The following CDH12 variants were observed in gnomAD, a reference collection of about 807,000 sequenced individuals.
CDH12 encodes the protein cadherin 12.
A neutral mutation model predicts 74.1 loss-of-function variants in CDH12; 41 were observed. The observed-to-expected ratio is 0.55, with a 90% CI of 0.43 to 0.72. The LOEUF is 0.72. Among genes scored for constraint, CDH12 ranks in the 30% least tolerant of loss-of-function variants. CDH12 has a pLI of 0.00. For missense variants in CDH12, 945 were observed against 977.2 expected (o/e 0.97, Z 0.44); for synonymous variants, 399 against 355.0 (o/e 1.12, Z -1.39).
chr5:22,248,277 T>C (rs1021033898), intron 3 of CDH12, among the ~76,000 whole-genome samples: 2 of 152,206 alleles, frequency 1.3e-5, no homozygotes, highest in South Asian at 4.2e-4. Context: ...ATAGCCTGGA[T>C]GACAAGAATT....
At chr5:21,970,892 T>C (rs560980885) in intron 6 of CDH12, among the ~76,000 whole-genome samples, 45 of 122,000 alleles carry the variant, frequency 3.7e-4, no homozygotes, top group Middle Eastern at 4.3e-3. Flanking sequence ...GAAAATAGTC[T>C]CTGGTTAAAT....
chr5:22,298,653 C>A lies in CDH12; in HGVS notation c.-332-86010G>T, dbSNP rs181310455. On this transcript the variant is annotated intron_variant, in intron 3 of 14. Coordinates refer to ENST00000382254, the MANE Select transcript of CDH12 (RefSeq NM_004061.5). ...GCCTCCTGTAAGCATTCACTATTCT[C>A]ATTCACACCACCAGTTGGTTATATT... 4.6e-5 allele frequency among the ~76,000 whole-genome samples: 7 copies of A among 152,258 alleles called. No individual in the cohort carries two copies. The East Asian group carries it at 1.2e-3, about 25-fold the overall frequency.
chr5:22,446,858 T>A (rs145753353), intron 2 of CDH12, among the ~76,000 whole-genome samples: 75 of 152,240 alleles, frequency 4.9e-4, no homozygotes, highest in African/African-American at 1.8e-3. Flanking sequence ...ATAATGTAAC[T>A]TTTTATGTTA....
chr5:22,368,233 GT>G (rs1329786056), intron 3 of CDH12, among the ~76,000 whole-genome samples: 1 of 151,918 alleles, frequency 6.6e-6, no homozygotes, highest in African/African-American at 2.4e-5. Context: ...CAGAGCTGAA[GT>G]TCTAAAATAG....
chr5:22,411,451 C>T (rs1055270538), intron 2 of CDH12, among the ~76,000 whole-genome samples: 47 of 152,012 alleles, frequency 3.1e-4, no homozygotes, highest in African/African-American at 1.1e-3. Context: ...TCCATGAGAT[C>T]TGCAGATCTT....
chr5:22,509,757 C>A (rs1262683463), intron 1 of CDH12, among the ~76,000 whole-genome samples: 1 of 152,086 alleles, frequency 6.6e-6, no homozygotes, highest in African/African-American at 2.4e-5. Flanking sequence ...TGGGAAGCTG[C>A]ACAAATACCA....
At chr5:21,809,401 T>C (rs1219968263) in intron 9 of CDH12, among the ~76,000 whole-genome samples, 1 of 152,114 alleles carries the variant, frequency 6.6e-6, no homozygotes, top group East Asian at 1.9e-4. Context: ...ATAAAATATA[T>C]GTGTCATGTC....
intron 4 of CDH12, among the ~76,000 whole-genome samples, chr5:22,091,464 G>A (rs1743431138): frequency 6.6e-6 from 1 of 151,518 alleles, no homozygotes; most frequent in Non-Finnish European, 1.5e-5. Context: ...ATTTATAATA[G>A]TGTCTGAAAG....
At chr5:21,907,229 C>T (rs533871179) in intron 6 of CDH12, among the ~76,000 whole-genome samples, 75 of 152,084 alleles carry the variant, frequency 4.9e-4, no homozygotes, top group Non-Finnish European at 9.3e-4. Context: ...AAAAATACGC[C>T]CAAATAGGGA....
chr5:22,448,835 T>A (rs1744931158), intron 2 of CDH12, among the ~76,000 whole-genome samples: 1 of 152,056 alleles, frequency 6.6e-6, no homozygotes, highest in African/African-American at 2.4e-5. Flanking sequence ...GAGTTTCTTT[T>A]GCTACTGGGC....
chr5:22,622,017 T>C lies in CDH12; in HGVS notation c.-522-116653A>G, dbSNP rs532113421. Among the ~76,000 whole-genome samples, 8 of 152,168 alleles carry C rather than the reference T, an allele frequency of 5.3e-5. No homozygotes were observed. The South Asian group carries it at 1.7e-3, about 32-fold the overall frequency. On this transcript the variant is annotated intron_variant, in intron 1 of 14. Transcript: ENST00000382254. Reference sequence around the variant, plus strand: ...TCATTAGCTGTGTTAGGTTTAAAAATAAAAATTGATACACATTTCTTAAGA... The same window carrying C: ...TCATTAGCTGTGTTAGGTTTAAAAACAAAAATTGATACACATTTCTTAAGA...
intron 1 of CDH12, among the ~76,000 whole-genome samples, chr5:22,603,229 C>T (rs269879): frequency 0.49 from 74,515 of 151,762 alleles, 18,569 homozygotes; most frequent in Admixed American, 0.58. Flanking sequence ...ATCAACAAAA[C>T]AGCAACTATT....
At chr5:21,922,694 A>C (rs1754406747) in intron 6 of CDH12, among the ~76,000 whole-genome samples, 2 of 152,242 alleles carry the variant, frequency 1.3e-5, no homozygotes, top group African/African-American at 4.8e-5. Flanking sequence ...CATGCAGAAC[A>C]GTTACCTGCA....
At position 22,476,339 on chromosome 5, in the gene CDH12, T is replaced by TATTCATATTAA. The variant is rs1200906635; in HGVS notation, c.-428+28930_-428+28931insTTAATATGAAT. Among the ~76,000 whole-genome samples the TATTCATATTAA allele has an allele frequency of 6.4e-4, 97 of 152,272 alleles. 1 individual carries two copies. Among genetic ancestry groups the TATTCATATTAA allele is most frequent in the African/African-American group, 2.3e-3 (97 of 41,582 alleles). On this transcript the variant is annotated intron_variant, in intron 2 of 14. Coordinates refer to ENST00000382254, the MANE Select transcript of CDH12 (RefSeq NM_004061.5). ...AGGAATTAAACCAAATTATATGTTT[T>TATTCATATTAA]ATTGTTTATTGAATGGTACACATCA... is the stretch of plus-strand genomic sequence containing the variant.
rs559221765 is a variant in CDH12, at chr5:22,011,240, G to A, written c.232-35855C>T. ...CCTGTAATGAAGCCAGACCTGCATA[G>A]AGTATTAATTAATACTCAACCACAC... is the stretch of plus-strand genomic sequence containing the variant. On this transcript the variant is annotated intron_variant, in intron 5 of 14. Transcript: ENST00000382254. Among the ~76,000 whole-genome samples, 4 of 152,222 alleles carry A rather than the reference G, an allele frequency of 2.6e-5. No homozygotes were observed. In the South Asian group the frequency reaches 8.3e-4, roughly 31 times the overall value.
At chr5:21,972,448 T>C (rs1457536754) in intron 6 of CDH12, among the ~76,000 whole-genome samples, 2 of 152,176 alleles carry the variant, frequency 1.3e-5, no homozygotes, top group African/African-American at 4.8e-5. Flanking sequence ...AGGAAAATGA[T>C]ACAGAGGGAG....
At chr5:22,475,350 A>C (rs1392608079) in intron 2 of CDH12, among the ~76,000 whole-genome samples, 3 of 152,010 alleles carry the variant, frequency 2.0e-5, no homozygotes. Flanking sequence ...ACTAAAGAAA[A>C]AATAACTAAC....
At chr5:21,856,805 T>G (rs1289182233) in intron 6 of CDH12, among the ~76,000 whole-genome samples, 1 of 151,822 alleles carries the variant, frequency 6.6e-6, no homozygotes, top group African/African-American at 2.4e-5. Context: ...CTTAAAAGGA[T>G]CACTGGATAG....
chr5:22,331,627 A>G (rs763451095), intron 3 of CDH12, among the ~76,000 whole-genome samples: 2 of 152,230 alleles, frequency 1.3e-5, no homozygotes, highest in Non-Finnish European at 1.5e-5. Context: ...CATCAACACT[A>G]TCCAGTAAAA....
Sources: gnomAD v4.1 joint callset for allele counts (sites outside exome capture counted in the v4.1 genomes callset) on GRCh38, gnomAD v4.1.1 for gene constraint, MANE v1.5 for transcripts, NCBI Gene and HGNC (gene_info 2026-07-23, HGNC 2026-07-21) for gene names.